KAZN: variants seen among roughly 807,000 people sequenced by gnomAD.
The protein encoded by KAZN is kazrin, periplakin interacting protein.
Under a neutral mutation model 87.4 loss-of-function variants are expected in KAZN, and 40 were observed. The ratio of observed to expected loss-of-function variants is 0.46; its 90% CI spans 0.36 to 0.60. The LOEUF is 0.60. Ranked by LOEUF, KAZN falls within the 20% of genes least tolerant of loss-of-function variation. The pLI, the probability that KAZN is intolerant of heterozygous loss-of-function variation, is 0.00. For synonymous variants in KAZN, 466 were observed against 458.3 expected (o/e 1.02, Z -0.22); for missense variants, 898 against 1,073.9 (o/e 0.84, Z 2.29).
In KAZN at chr1:14,735,361, G is replaced by A. The variant is rs139894180; in HGVS notation, c.226+136138G>A. On this transcript the variant is annotated intron_variant, in intron 1 of 14. Coordinates refer to ENST00000376030, the MANE Select transcript of KAZN (RefSeq NM_201628.3). This position sits in a 1 kb window ranked among gnomAD's most constrained non-coding sequence, Gnocchi z 4.3. ...AGGCGTGAGCCACCGCGCCCGGCCC[G>A]TGCTGTTGTTTTCAAAGACACGTTT... Among the ~76,000 whole-genome samples, 77 of 152,234 alleles carry A rather than the reference G, an allele frequency of 5.1e-4. No homozygotes were observed. In the East Asian group the frequency reaches 0.014, roughly 27 times the overall value.
rs368855723 is a variant in KAZN at position 15,094,205 on chromosome 1, G to A, written c.1248G>A (p.Thr416=). 1.1e-3 allele frequency: 1,731 copies of A among 1,613,578 alleles called. 24 individuals are homozygous for A. The highest frequency in any genetic ancestry group is 5.0e-4 in the Middle Eastern group (3 of 5,962). ...FDDSDSQCSP[T]RQSLSLSEGE... ...ACTCGGACAGCCAGTGCAGCCCCAC[G>A]CGGCAGAGCCTCAGCCTGTCGGAAG... Residue 416 remains threonine, a synonymous_variant, in exon 9 of 15, where the codon ACG becomes ACA. Transcript: ENST00000376030. This position sits in a 1 kb window ranked among gnomAD's most constrained non-coding sequence, Gnocchi z 4.5.
rs1410959465 is a variant in KAZN at position 15,066,340 on chromosome 1, G to A, written c.1222+587G>A. On this transcript the variant is annotated intron_variant, in intron 8 of 14. Transcript: ENST00000376030. The surrounding 1 kb of genome is among the most constrained non-coding windows in gnomAD (Gnocchi z 4.3). ...GTCTGTTTTTGATGTCCCCCCTCCC[G>A]CCCCCCTGGTGTGAACGTGTGGGAC... is the stretch of plus-strand genomic sequence containing the variant. 5 of 948,398 alleles carry A rather than the reference G, an allele frequency of 5.3e-6. No individual in the cohort carries two copies. Among genetic ancestry groups the A allele is most frequent in the African/African-American group, 2.1e-5 (1 of 47,770 alleles). 58.7% of individuals were successfully genotyped at this position (948,398 alleles called of 1,614,324 possible).
At chr1:14,045,367 G>A (rs1054239130) in intron 1 of KAZN, among the ~76,000 whole-genome samples, 2 of 152,216 alleles carry the variant, frequency 1.3e-5, no homozygotes, top group African/African-American at 4.8e-5. Flanking sequence ...TGTGGTGTGA[G>A]AGTTAAAACT....
At chr1:14,235,424 CAGAA>C (rs1450101518) in intron 2 of KAZN, among the ~76,000 whole-genome samples, 24 of 152,206 alleles carry the variant, frequency 1.6e-4, no homozygotes, top group Non-Finnish European at 2.2e-4. Flanking sequence ...AATTCATAGT[CAGAA>C]AGCAGATTAG....
At chr1:14,396,208 GA>G (rs1434774713) in intron 2 of KAZN, among the ~76,000 whole-genome samples, 1 of 147,558 alleles carries the variant, frequency 6.8e-6, no homozygotes, top group African/African-American at 2.5e-5. Context: ...AGCAAAACAA[GA>G]AAAAACTTAG....
At chr1:13,896,848 G>A (rs556264313) in intron 1 of KAZN, among the ~76,000 whole-genome samples, 2 of 152,316 alleles carry the variant, frequency 1.3e-5, no homozygotes, top group African/African-American at 4.8e-5. Context: ...GGTGGGAATG[G>A]GAGGGGGCTG....
chr1:14,194,638 T>A (rs1279269843), intron 2 of KAZN, among the ~76,000 whole-genome samples: 1 of 152,222 alleles, frequency 6.6e-6, no homozygotes, highest in Non-Finnish European at 1.5e-5. Context: ...GTGTTTTTCA[T>A]GAAGGCTTCA....
At chr1:14,680,028 A>G (rs911123317) in intron 1 of KAZN, among the ~76,000 whole-genome samples, 4 of 152,258 alleles carry the variant, frequency 2.6e-5, no homozygotes, top group African/African-American at 9.6e-5. Flanking sequence ...CGCCTGTGGA[A>G]TGTTTAAAGC....
intron 11 of KAZN, among the ~76,000 whole-genome samples, chr1:15,102,580 CCAA>C: frequency 6.6e-6 from 1 of 152,166 alleles, no homozygotes; most frequent in East Asian, 1.9e-4. Context: ...ATGTCAGAAC[CCAA>C]CAATTCAGGG....
intron 2 of KAZN, among the ~76,000 whole-genome samples, chr1:14,415,757 C>G (rs1557703522): frequency 6.6e-6 from 1 of 152,166 alleles, no homozygotes; most frequent in Non-Finnish European, 1.5e-5. Context: ...CTTCCCTTCC[C>G]TTCCCTGACT....
chr1:14,385,935 T>C (rs2101067450), intron 2 of KAZN, among the ~76,000 whole-genome samples: 1 of 150,250 alleles, frequency 6.7e-6, no homozygotes, highest in Non-Finnish European at 1.5e-5. Flanking sequence ...CCATTATTAA[T>C]GTGTGGGAGT....
At chr1:14,547,899 G>T (rs1217771640) in intron 2 of KAZN, among the ~76,000 whole-genome samples, 1 of 151,894 alleles carries the variant, frequency 6.6e-6, no homozygotes, top group Admixed American at 6.6e-5. Flanking sequence ...AATACCACAA[G>T]GACAATCCAT....
At chr1:14,067,642 A>G (rs995236472) in intron 1 of KAZN, among the ~76,000 whole-genome samples, 3 of 151,648 alleles carry the variant, frequency 2.0e-5, no homozygotes, top group Non-Finnish European at 4.4e-5. Flanking sequence ...GTCCCCCCCC[A>G]TACTGCTTCC....
At chr1:15,106,374 C>T (rs551036101) in intron 13 of KAZN, among the ~76,000 whole-genome samples, 1 of 152,332 alleles carries the variant, frequency 6.6e-6, no homozygotes, top group Non-Finnish European at 1.5e-5. Context: ...TATCCCCTTT[C>T]CCTGACTTCC....
At chr1:14,227,611 C>G (rs938273904) in intron 2 of KAZN, among the ~76,000 whole-genome samples, 30 of 152,148 alleles carry the variant, frequency 2.0e-4, no homozygotes, top group African/African-American at 6.8e-4. Context: ...TCACCAGTAT[C>G]ACTCTGACAT....
intron 6 of KAZN, chr1:15,061,389 T>G (rs1638782929): frequency 6.6e-6 from 1 of 152,256 alleles, no homozygotes; most frequent in Non-Finnish European, 1.5e-5. Flanking sequence ...AGAAGCTGCC[T>G]CAGTCTGCTC....
chr1:14,993,343 C>A (rs1667540337), intron 2 of KAZN, among the ~76,000 whole-genome samples: 1 of 151,748 alleles, frequency 6.6e-6, no homozygotes, highest in Non-Finnish European at 1.5e-5. Flanking sequence ...GTGGCAGGAG[C>A]CTGTAATCCC....
chr1:14,775,025 G>GAGAGC (rs1375637912), intron 1 of KAZN, among the ~76,000 whole-genome samples: 1 of 152,186 alleles, frequency 6.6e-6, no homozygotes, highest in Non-Finnish European at 1.5e-5. Context: ...AGATCCTGGA[G>GAGAGC]AGAGCAGCTG....
chr1:14,794,709 G>A (rs1261571803), intron 1 of KAZN, among the ~76,000 whole-genome samples: 2 of 152,326 alleles, frequency 1.3e-5, no homozygotes, highest in African/African-American at 2.4e-5. Flanking sequence ...CTGTATGGGT[G>A]TAATGGTTAA....
Sources: gnomAD v4.1 joint callset for allele counts (sites outside exome capture counted in the v4.1 genomes callset) on GRCh38, gnomAD v4.1.1 for gene constraint, Gnocchi (gnomAD v3.1) non-coding constraint, MANE v1.5 for transcripts, NCBI Gene and HGNC (gene_info 2026-07-23, HGNC 2026-07-21) for gene names.